Variants in CSMD1 observed in about 807,000 individuals in gnomAD.
CSMD1 encodes the protein CUB and sushi domain-containing protein 1.
CSMD1 carries 213 observed loss-of-function variants against 417.5 expected under a neutral mutation model. The observed-to-expected ratio is 0.51, with a 90% CI of 0.46 to 0.57. The LOEUF (loss-of-function observed/expected upper bound fraction) is 0.57. Among genes scored for constraint, CSMD1 ranks in the 20% least tolerant of loss-of-function variants. The probability of loss-of-function intolerance (pLI) is 0.00; values close to 1 mark genes in which losing one functional copy is unlikely to be tolerated. For synonymous variants in CSMD1, 2,862 were observed against 1,736.8 expected (o/e 1.65, Z -16.11); for missense variants, 6,923 against 4,529.7 (o/e 1.53, Z -15.17).
chr8:4,811,666 T>A lies in CSMD1; in HGVS notation c.86-174108A>T, dbSNP rs140131133. Among the ~76,000 whole-genome samples, 659 of 152,230 alleles carry A rather than the reference T, an allele frequency of 4.3e-3. 2 individuals are homozygous for A. The highest frequency in any genetic ancestry group is 0.014 in the Middle Eastern group (4 of 294). Reference sequence around the variant, plus strand: ...CATAACTGGACTTTTTAAGTTGAAATGATTTCTATTGGCTCATTGAGTCAC... The same window carrying A: ...CATAACTGGACTTTTTAAGTTGAAAAGATTTCTATTGGCTCATTGAGTCAC... On this transcript the variant is annotated intron_variant, in intron 1 of 69. Coordinates refer to ENST00000635120, the MANE Select transcript of CSMD1 (RefSeq NM_033225.6).
chr8:4,262,253 G>C (rs1034611529), intron 3 of CSMD1, among the ~76,000 whole-genome samples: 2 of 152,108 alleles, frequency 1.3e-5, no homozygotes, highest in African/African-American at 4.8e-5. Flanking sequence ...CCGGGGCATG[G>C]TGGAGGATGC....
chr8:4,718,362 A>C (rs1272972094), intron 1 of CSMD1, among the ~76,000 whole-genome samples: 1 of 152,188 alleles, frequency 6.6e-6, no homozygotes, highest in East Asian at 1.9e-4. Context: ...AATTCACCTA[A>C]ATATACATAA....
chr8:4,415,006 T>C lies in CSMD1; in HGVS notation c.415+4947A>G, dbSNP rs116814213. On this transcript the variant is annotated intron_variant, in intron 3 of 69. Transcript: ENST00000635120. ...AGCCAAAATGTGATAAATTGTCACATAGAAGCATAGGCAAGCAAAAATGCT... is the reference window on the plus strand; with the variant it reads ...AGCCAAAATGTGATAAATTGTCACACAGAAGCATAGGCAAGCAAAAATGCT... Among the ~76,000 whole-genome samples the C allele has an allele frequency of 2.2e-3, 330 of 152,298 alleles. 2 individuals are homozygous for C. The highest frequency in any genetic ancestry group is 7.6e-3 in the African/African-American group (317 of 41,568).
At chr8:4,660,726 T>G (rs138181932) in intron 1 of CSMD1, among the ~76,000 whole-genome samples, 22 of 152,204 alleles carry the variant, frequency 1.4e-4, no homozygotes, top group Non-Finnish European at 2.6e-4. Context: ...AATCACATAT[T>G]TGACAAAGGA....
chr8:3,241,316 T>G (rs1291928044), intron 26 of CSMD1, among the ~76,000 whole-genome samples: 1 of 151,456 alleles, frequency 6.6e-6, no homozygotes, highest in East Asian at 1.9e-4. Context: ...ACAACAGTTA[T>G]GGAGGCAAGG....
intron 22 of CSMD1, among the ~76,000 whole-genome samples, chr8:3,343,903 AC>A (rs1807819268): frequency 6.6e-6 from 1 of 152,214 alleles, no homozygotes; most frequent in Admixed American, 6.5e-5. Context: ...GTCTGAATGC[AC>A]TAAAGGACAA....
At chr8:3,118,024 ACCCTTTTT>A (rs1816970863) in intron 42 of CSMD1, among the ~76,000 whole-genome samples, 1 of 152,194 alleles carries the variant, frequency 6.6e-6, no homozygotes, top group Non-Finnish European at 1.5e-5. Context: ...ATTAATAAGT[ACCCTTTTT>A]CCCTCTGGTC....
At chr8:4,197,703 G>A (rs1408863799) in intron 3 of CSMD1, among the ~76,000 whole-genome samples, 1 of 152,196 alleles carries the variant, frequency 6.6e-6, no homozygotes, top group African/African-American at 2.4e-5. Flanking sequence ...ACATAGTGAA[G>A]CTCTGTCTCT....
At chr8:3,522,964 C>T (rs1368975420) in intron 10 of CSMD1, among the ~76,000 whole-genome samples, 2 of 150,500 alleles carry the variant, frequency 1.3e-5, no homozygotes. Flanking sequence ...CCTGTCTACT[C>T]ATTTATCTAT....
intron 8 of CSMD1, chr8:3,613,373 T>C (rs551326206): frequency 1.3e-5 from 4 of 311,840 alleles, no homozygotes; most frequent in African/African-American, 4.5e-5. Flanking sequence ...AACTCTTCTA[T>C]GGTATTCCAG....
Position 4,395,431 on chromosome 8 carries a change from G to C in CSMD1, c.415+24522C>G, listed in dbSNP as rs147879629. On this transcript the variant is annotated intron_variant, in intron 3 of 69. Transcript: ENST00000635120. ...CGCTAAAGAATCATAAAAAAAACAA[G>C]AAAAGCAGTCTCTCATCAAGAATAG... 6.9e-4 allele frequency among the ~76,000 whole-genome samples: 105 copies of C among 151,414 alleles called. 1 individual carries two copies. The highest frequency in any genetic ancestry group is 2.3e-3 in the African/African-American group (96 of 40,930).
At chr8:4,190,832 G>C (rs138098732) in intron 3 of CSMD1, among the ~76,000 whole-genome samples, 1 of 151,972 alleles carries the variant, frequency 6.6e-6, no homozygotes, top group East Asian at 1.9e-4. Context: ...ATTACCCTTC[G>C]CAAACTGATG....
intron 42 of CSMD1, among the ~76,000 whole-genome samples, chr8:3,118,082 G>A (rs1207814540): frequency 6.6e-6 from 1 of 152,166 alleles, no homozygotes; most frequent in East Asian, 1.9e-4. Context: ...GAACGCTGCT[G>A]ACTTCGCGGA....
chr8:4,374,153 A>C (rs1310299719), intron 3 of CSMD1, among the ~76,000 whole-genome samples: 1 of 151,950 alleles, frequency 6.6e-6, no homozygotes, highest in East Asian at 1.9e-4. Flanking sequence ...GTACGTCCTT[A>C]CCCTCCCCTT....
intron 47 of CSMD1, among the ~76,000 whole-genome samples, chr8:3,092,908 T>C (rs1815046169): frequency 6.6e-6 from 1 of 152,202 alleles, no homozygotes; most frequent in Admixed American, 6.5e-5. Context: ...CTCTCATTGT[T>C]GTTCATAATA....
chr8:3,354,870 T>G (rs1249591807), intron 21 of CSMD1, among the ~76,000 whole-genome samples: 3 of 151,156 alleles, frequency 2.0e-5, no homozygotes, highest in African/African-American at 7.3e-5. Context: ...TATATAGATA[T>G]ACATATATCT....
chr8:4,301,206 C>G (rs11988129), intron 3 of CSMD1, among the ~76,000 whole-genome samples: 111,714 of 152,068 alleles, frequency 0.73, 41,186 homozygotes, highest in East Asian at 0.84. Context: ...GTCTGCTAAA[C>G]TTTTGGCTAG....
intron 2 of CSMD1, among the ~76,000 whole-genome samples, chr8:4,559,973 A>T (rs1798255840): frequency 6.6e-6 from 1 of 152,222 alleles, no homozygotes; most frequent in African/African-American, 2.4e-5. Flanking sequence ...TGTGGTCATA[A>T]ATGTGCACCT....
At chr8:3,610,117 G>C (rs1801817366) in intron 8 of CSMD1, among the ~76,000 whole-genome samples, 1 of 151,944 alleles carries the variant, frequency 6.6e-6, no homozygotes, top group Non-Finnish European at 1.5e-5. Flanking sequence ...GATTATATGA[G>C]AGGCCCACCA....
Sources: allele counts gnomAD v4.1 joint callset (sites outside exome capture counted in the v4.1 genomes callset), GRCh38; gene constraint gnomAD v4.1.1; transcripts MANE v1.5; gene names NCBI Gene and HGNC (gene_info 2026-07-23, HGNC 2026-07-21).